Variants in DLC1 observed in about 807,000 individuals in gnomAD.
DLC1 encodes the protein DLC1 Rho GTPase activating protein.
In DLC1, 54 loss-of-function variants were observed where a neutral mutation model predicts 140.3. That is an observed-to-expected ratio of 0.38 (90% CI 0.31 to 0.48). The LOEUF (loss-of-function observed/expected upper bound fraction) is 0.48. Ranked by LOEUF, DLC1 falls within the 20% of genes least tolerant of loss-of-function variation. DLC1 has a pLI of 0.96. For synonymous variants in DLC1, 986 were observed against 728.1 expected, an observed-to-expected ratio of 1.35 and a Z score of -5.70; for missense variants, 2,536 against 1,907.0, an observed-to-expected ratio of 1.33 and a Z score of -6.14.
At chr8:13,214,754 C>A in intron 5 of DLC1, 1 of 780,856 alleles carries the variant, frequency 1.3e-6, no homozygotes, top group Non-Finnish European at 2.4e-6. Context: ...TCATCCACTT[C>A]CAACTTTACT....
Position 13,100,590 on chromosome 8 carries a change from T to A in DLC1, c.1747A>T (p.Met583Leu). 6.2e-7 allele frequency: 1 copy of A among 1,613,862 alleles called. No individual in the cohort carries two copies. Among genetic ancestry groups the A allele is most frequent in the Non-Finnish European group, 8.5e-7 (1 of 1,179,928 alleles). The part of the protein sequence containing the change: ...KDGPSPGGTL[M>L]DLSERQEVSS... ...ACCTCCTGGCGCTCGCTGAGGTCCATCAGCGTGCCTCCGGGGCTGGGGCCG... is the reference window on the plus strand; with the variant it reads ...ACCTCCTGGCGCTCGCTGAGGTCCAACAGCGTGCCTCCGGGGCTGGGGCCG... Residue 583 changes from methionine (M) to leucine (L), a missense_variant, in exon 9 of 18, where the codon ATG (methionine) becomes TTG (leucine). Met to Leu is a conservative substitution (Grantham distance 15). Transcript: ENST00000276297.
intron 4 of DLC1, among the ~76,000 whole-genome samples, chr8:13,352,522 C>T (rs544246522): frequency 7.9e-5 from 12 of 151,960 alleles, no homozygotes; most frequent in Non-Finnish European, 1.6e-4. Context: ...GCTGGGACTA[C>T]AGGCATGCAC....
At chr8:13,179,485 C>G (rs547400372) in intron 5 of DLC1, among the ~76,000 whole-genome samples, 2 of 152,070 alleles carry the variant, frequency 1.3e-5, no homozygotes, top group Non-Finnish European at 2.9e-5. Flanking sequence ...CTTTAGGAGT[C>G]TGAGGCAGAC....
In DLC1 at chr8:13,496,974, G is replaced by T. The variant is rs552919494; in HGVS notation, c.1023+2075C>A. ...TGCCACCATGCCTGGCTAATTTTTT[G>T]TATTTTTAGTAGAGACAGGGTTTCA... is the stretch of plus-strand genomic sequence containing the variant. On this transcript the variant is annotated intron_variant, in intron 2 of 17. Coordinates refer to ENST00000276297, the MANE Select transcript of DLC1 (RefSeq NM_182643.3). Among the ~76,000 whole-genome samples the T allele has an allele frequency of 1.5e-3, 226 of 151,498 alleles. 1 individual carries two copies. The highest frequency in any genetic ancestry group is 5.2e-3 in the African/African-American group (216 of 41,322).
upstream of DLC1, among the ~76,000 whole-genome samples, chr8:13,517,238 C>T (rs1017892907): frequency 6.6e-6 from 1 of 152,142 alleles, no homozygotes; most frequent in African/African-American, 2.4e-5. Flanking sequence ...AATATTATAT[C>T]AGCATCATGC....
At position 13,319,463 on chromosome 8, in the gene DLC1, T is replaced by A. The variant is rs796556461; in HGVS notation, c.1315-14161A>T. ...AATCCCCAGTGCTGGAGGAGGGGCC[T>A]GCTGGCGGGGCGGGGGGGGGGGGTG... On this transcript the variant is annotated intron_variant, in intron 4 of 17. Coordinates refer to ENST00000276297, the MANE Select transcript of DLC1 (RefSeq NM_182643.3). Among the ~76,000 whole-genome samples the A allele has an allele frequency of 1.9e-4, 23 of 118,236 alleles. 1 individual carries two copies. The highest frequency in any genetic ancestry group is 8.6e-4 in the African/African-American group (23 of 26,668). 77.6% of individuals were successfully genotyped at this position (118,236 alleles called of 152,430 possible).
At chr8:13,245,862 G>T (rs766408555) in intron 5 of DLC1, among the ~76,000 whole-genome samples, 2 of 151,686 alleles carry the variant, frequency 1.3e-5, no homozygotes, top group African/African-American at 4.8e-5. Context: ...CACCACTCCC[G>T]GCTAATTTTT....
At chr8:13,154,315 C>G (rs1464440717) in intron 5 of DLC1, among the ~76,000 whole-genome samples, 1 of 152,176 alleles carries the variant, frequency 6.6e-6, no homozygotes, top group Non-Finnish European at 1.5e-5. Context: ...TCAGGAATGG[C>G]CGGCTGCAGG....
At chr8:13,432,395 C>T (rs58921271) in intron 2 of DLC1, among the ~76,000 whole-genome samples, 14,161 of 152,194 alleles carry the variant, frequency 0.093, 741 homozygotes, top group South Asian at 0.16. Flanking sequence ...TATCATTAAG[C>T]GCTAAATGAT....
chr8:13,484,587 T>C (rs749932512), intron 2 of DLC1, among the ~76,000 whole-genome samples: 5 of 152,146 alleles, frequency 3.3e-5, no homozygotes, highest in African/African-American at 1.2e-4. Flanking sequence ...ACACGAGTGA[T>C]GGCTATTGGT....
At chr8:13,243,884 C>T (rs1158599141) in intron 5 of DLC1, among the ~76,000 whole-genome samples, 1 of 152,012 alleles carries the variant, frequency 6.6e-6, no homozygotes, top group Non-Finnish European at 1.5e-5. Flanking sequence ...TTTGACTGTC[C>T]CTCTCTCTTA....
At chr8:13,270,186 C>G (rs996989159) in intron 5 of DLC1, among the ~76,000 whole-genome samples, 3 of 152,148 alleles carry the variant, frequency 2.0e-5, no homozygotes, top group African/African-American at 7.2e-5. Flanking sequence ...ATGAGATAGC[C>G]TCAGATCCTT....
At chr8:13,127,249 C>G (rs142764065) in intron 5 of DLC1, among the ~76,000 whole-genome samples, 45 of 152,324 alleles carry the variant, frequency 3.0e-4, no homozygotes, top group African/African-American at 1.1e-3. Context: ...CAGGTTCCTA[C>G]AAACAACTTA....
chr8:13,354,462 T>C (rs1375794357), intron 4 of DLC1, among the ~76,000 whole-genome samples: 1 of 152,064 alleles, frequency 6.6e-6, no homozygotes, highest in South Asian at 2.1e-4. Context: ...GTAGAGTGAA[T>C]GACAAAATAA....
At position 13,194,702 on chromosome 8, in the gene DLC1, C is replaced by T. The variant is rs533757063; in HGVS notation, c.1349-79045G>A. The stretch of plus-strand genomic sequence containing the variant: ...GAAACATTGTAGGCCGCAAGCATTC[C>T]ATTTTGTTATGGATAAGAAAGCAGG... On this transcript the variant is annotated intron_variant, in intron 5 of 17. Transcript: ENST00000276297. 3.9e-5 allele frequency among the ~76,000 whole-genome samples: 6 copies of T among 152,252 alleles called. No individual in the cohort carries two copies. The East Asian group carries it at 7.7e-4, about 20-fold the overall frequency.
intron 4 of DLC1, among the ~76,000 whole-genome samples, chr8:13,335,659 C>T (rs1437663749): frequency 2.6e-5 from 4 of 151,796 alleles, no homozygotes; most frequent in Admixed American, 6.6e-5. Context: ...GAGTAGATCT[C>T]CAAGAAGTGT....
chr8:13,451,827 A>G (rs1342501351), intron 2 of DLC1, among the ~76,000 whole-genome samples: 1 of 152,198 alleles, frequency 6.6e-6, no homozygotes, highest in African/African-American at 2.4e-5. Context: ...TGCAACAAAT[A>G]TGGGATTGCA....
intron 4 of DLC1, among the ~76,000 whole-genome samples, chr8:13,364,720 T>G (rs1191554512): frequency 6.6e-6 from 1 of 152,304 alleles, no homozygotes; most frequent in East Asian, 1.9e-4. Flanking sequence ...ATTTTTAAAA[T>G]TATCACATGC....
intron 2 of DLC1, among the ~76,000 whole-genome samples, chr8:13,471,355 G>A (rs756480311): frequency 6.6e-6 from 1 of 151,848 alleles, no homozygotes; most frequent in Non-Finnish European, 1.5e-5. Flanking sequence ...TGATGGATAT[G>A]TTAATTAGAT....
Sources: gnomAD v4.1 joint callset for allele counts (sites outside exome capture counted in the v4.1 genomes callset) on GRCh38, gnomAD v4.1.1 for gene constraint, MANE v1.5 for transcripts, NCBI Gene and HGNC (gene_info 2026-07-23, HGNC 2026-07-21) for gene names.